BNIP3L: variants seen among roughly 807,000 people sequenced by gnomAD.
BNIP3L encodes the protein BCL2/adenovirus E1B 19 kDa protein-interacting protein 3-like.
In BNIP3L, 10 loss-of-function variants were observed where a neutral mutation model predicts 25.5. The observed-to-expected ratio is 0.39, with a 90% CI of 0.24 to 0.67. The LOEUF (loss-of-function observed/expected upper bound fraction) is 0.67. Ranked by LOEUF, BNIP3L falls within the 30% of genes least tolerant of loss-of-function variation. The pLI is 0.45. For missense variants in BNIP3L, 215 were observed against 270.9 expected (o/e 0.79, Z 1.45); for synonymous variants, 113 against 101.2 (o/e 1.12, Z -0.70).
At chr8:26,401,577 A>C (rs1002872169) in intron 3 of BNIP3L, among the ~76,000 whole-genome samples, 6 of 151,456 alleles carry the variant, frequency 4.0e-5, no homozygotes, top group African/African-American at 1.4e-4. Context: ...AAAAAAACAA[A>C]AAAAAAAACC....
intron 1 of BNIP3L, chr8:26,390,342 G>A: frequency 1.0e-6 from 1 of 984,490 alleles, no homozygotes; most frequent in Non-Finnish European, 1.2e-6. Context: ...AGAATTACCA[G>A]TGGCACATCC....
In BNIP3L at chr8:26,391,391, A is replaced by G. The variant is rs746570926; in HGVS notation, c.249A>G (p.Gly83=). The G allele has an allele frequency of 1.9e-5, 31 of 1,590,632 alleles. No individual in the cohort carries two copies. In the South Asian group the frequency reaches 3.3e-4, roughly 17 times the overall value. ...TTTTGGATGCACAACATGAATCAGGACAGAGTAGTTCCAGAGGCAGTTCTC... is the reference window on the plus strand; with the variant it reads ...TTTTGGATGCACAACATGAATCAGGGCAGAGTAGTTCCAGAGGCAGTTCTC... The part of the protein sequence containing the change: ...KILLDAQHES[G]QSSSRGSSHC... The change falls in exon 2 of 6, where the codon GGA becomes GGG. Residue 83 remains glycine (G), a synonymous_variant. Transcript: ENST00000380629.
At chr8:26,387,614 A>G (rs1806019545) in intron 1 of BNIP3L, among the ~76,000 whole-genome samples, 1 of 152,238 alleles carries the variant, frequency 6.6e-6, no homozygotes, top group Non-Finnish European at 1.5e-5. Context: ...TTGTTCATCT[A>G]TTGAGGAAGA....
intron 3 of BNIP3L, among the ~76,000 whole-genome samples, chr8:26,400,241 A>T (rs895642209): frequency 2.0e-5 from 3 of 151,808 alleles, no homozygotes; most frequent in African/African-American, 7.3e-5. Context: ...AACAGAACAG[A>T]GCCCTCAGAA....
chr8:26,408,372 C>G lies in BNIP3L; in HGVS notation c.607C>G (p.Leu203Val). 6.2e-7 allele frequency: 1 copy of G among 1,613,914 alleles called. No individual in the cohort carries two copies. The highest frequency in any genetic ancestry group is 8.5e-7 in the Non-Finnish European group (1 of 1,179,876). Residue 203 changes from leucine to valine, a missense_variant, in exon 5 of 6, where the codon CTA becomes GTA. By Grantham distance (32) the Leu-to-Val change is conservative. Coordinates refer to ENST00000380629, the MANE Select transcript of BNIP3L (RefSeq NM_004331.3). Reference sequence around the variant, plus strand: ...CCTTTCTCATGTTTTGGCTTTGGGGCTAGGGTAAGTACCGGTCAACTCCTG... The same window carrying G: ...CCTTTCTCATGTTTTGGCTTTGGGGGTAGGGTAAGTACCGGTCAACTCCTG... ...LFLSHVLALG[L>V]GIYIGKRLST...
intron 2 of BNIP3L, among the ~76,000 whole-genome samples, chr8:26,393,670 G>T (rs1465979353): frequency 1.3e-5 from 2 of 152,018 alleles, no homozygotes; most frequent in Non-Finnish European, 2.9e-5. Context: ...TGACTGCCTT[G>T]ACCTGGTCAC....
At chr8:26,402,293 C>T (rs1806402506) in intron 3 of BNIP3L, among the ~76,000 whole-genome samples, 1 of 152,158 alleles carries the variant, frequency 6.6e-6, no homozygotes, top group African/African-American at 2.4e-5. Flanking sequence ...CTGACTGGAG[C>T]ATTTGAATTG....
chr8:26,387,940 G>A (rs372504173), intron 1 of BNIP3L, among the ~76,000 whole-genome samples: 34 of 152,328 alleles, frequency 2.2e-4, no homozygotes, highest in African/African-American at 6.3e-4. Flanking sequence ...ATGCAATGCA[G>A]TTGTTCAAAA....
At chr8:26,392,543 T>C (rs1437125342) in intron 2 of BNIP3L, among the ~76,000 whole-genome samples, 1 of 152,196 alleles carries the variant, frequency 6.6e-6, no homozygotes. Context: ...GGGACTGGTT[T>C]GTTGGCTCTG....
intron 2 of BNIP3L, 143 bp from the exon 3 acceptor site, chr8:26,395,087 C>T: frequency 1.6e-6 from 1 of 637,452 alleles, no homozygotes; most frequent in Non-Finnish European, 2.5e-6. Context: ...ATAAATTTTT[C>T]TTGTATAGGG....
intron 1 of BNIP3L, among the ~76,000 whole-genome samples, chr8:26,386,294 A>G (rs989056964): frequency 2.6e-5 from 4 of 152,228 alleles, no homozygotes; most frequent in Non-Finnish European, 5.9e-5. Flanking sequence ...TGTTAAGAAA[A>G]CTATCAACTT....
rs904268825 is a variant in BNIP3L, at chr8:26,412,913, T to C, written c.*2501T>C. On this transcript the variant is annotated 3_prime_UTR_variant, in exon 6 of 6. Coordinates refer to ENST00000380629, the MANE Select transcript of BNIP3L (RefSeq NM_004331.3). ...AGTTCCCGTGATTGCAGTAAAAATA[T>C]TTACTATTCTAAAAAAATGAGAATT... is the stretch of plus-strand genomic sequence containing the variant. 3.3e-5 allele frequency: 5 copies of C among 152,558 alleles called. No homozygotes were observed. Among genetic ancestry groups the C allele is most frequent in the Non-Finnish European group, 5.9e-5 (4 of 68,020 alleles). The allele number at this position is 152,558 out of a possible 1,614,324, so 9.5% of individuals were successfully genotyped here.
At position 26,410,353 on chromosome 8, in the gene BNIP3L, C is replaced by T; in HGVS notation, c.612-11C>T. On this transcript the variant is annotated splice_polypyrimidine_tract_variant and intron_variant, in intron 5 of 5. Transcript: ENST00000380629. ...AAACAGGTGAAACATGATGCTTCTG[C>T]TTCCTTTCAGCATCTATATTGGAAA... 1 of 1,614,014 alleles carries T rather than the reference C, an allele frequency of 6.2e-7. No individual in the cohort carries two copies. Among genetic ancestry groups the T allele is most frequent in the South Asian group, 1.1e-5 (1 of 91,080 alleles).
chr8:26,409,345 G>A lies in BNIP3L; in HGVS notation c.611+969G>A, dbSNP rs147708154. Among the ~76,000 whole-genome samples, 36 of 152,106 alleles carry A rather than the reference G, an allele frequency of 2.4e-4. 1 individual carries two copies. Among genetic ancestry groups the A allele is most frequent in the African/African-American group, 8.2e-4 (34 of 41,486 alleles). ...ATGTTGTGCTCTAAGCATGCCCAGT[G>A]GGTCATTTTCAGTATAAGATATGCA... On this transcript the variant is annotated intron_variant, in intron 5 of 5. Transcript: ENST00000380629.
intron 1 of BNIP3L, chr8:26,383,477 G>A: frequency 6.2e-6 from 8 of 1,292,690 alleles, no homozygotes; most frequent in Non-Finnish European, 7.9e-6. Flanking sequence ...GGAGCGGCGC[G>A]GGTAGCGCGG....
rs752760006 is a variant in BNIP3L at position 26,395,189 on chromosome 8, A to T, written c.285-41A>T. 7.1e-5 allele frequency: 114 copies of T among 1,596,386 alleles called. 2 individuals are homozygous for T. In the South Asian group the frequency reaches 1.2e-3, roughly 17 times the overall value. On this transcript the variant is annotated intron_variant, in intron 2 of 5. Transcript: ENST00000380629. ...TAGTAGAGACTAAGTCATTTGACAA[A>T]GTGAGAATTAAAACTAATAGCTGAA...
In BNIP3L at chr8:26,407,709, T is replaced by G. The variant is rs537781151; in HGVS notation, c.358-291T>G. ...AAGTATTGCCCAGATTTAACTCTTA[T>G]CGAGGTTTTTCATACTTCCCTTAGC... On this transcript the variant is annotated intron_variant, in intron 3 of 5. Coordinates refer to ENST00000380629, the MANE Select transcript of BNIP3L (RefSeq NM_004331.3). 7.9e-5 allele frequency among the ~76,000 whole-genome samples: 12 copies of G among 152,360 alleles called. No homozygotes were observed. The South Asian group carries it at 2.5e-3, about 32-fold the overall frequency.
chr8:26,387,919 T>C (rs1806025567), intron 1 of BNIP3L, among the ~76,000 whole-genome samples: 1 of 152,204 alleles, frequency 6.6e-6, no homozygotes, highest in Non-Finnish European at 1.5e-5. Context: ...TATATCTTTA[T>C]AAAAGATGAG....
At chr8:26,408,479 A>G (rs1806548391) in intron 5 of BNIP3L, 103 bp downstream of exon 5, 5 of 1,345,324 alleles carry the variant, frequency 3.7e-6, no homozygotes, top group Admixed American at 4.5e-5. Context: ...TTTACTTTCA[A>G]TGTTTTAGTG....
Sources: gnomAD v4.1 joint callset for allele counts (sites outside exome capture counted in the v4.1 genomes callset) on GRCh38, gnomAD v4.1.1 for gene constraint, MANE v1.5 for transcripts, NCBI Gene and HGNC (gene_info 2026-07-23, HGNC 2026-07-21) for gene names.